Variants in B4GALT4 observed in about 807,000 individuals in gnomAD.
B4GALT4 encodes N-acetyllactosamine synthase.
In B4GALT4, 27 loss-of-function variants were observed where a neutral mutation model predicts 37.3. That is an observed-to-expected ratio of 0.72 (90% confidence interval 0.53 to 1.00). The LOEUF (loss-of-function observed/expected upper bound fraction) is 1.00. Ranked by LOEUF, B4GALT4 falls within the 50% of genes least tolerant of loss-of-function variation. B4GALT4 has a pLI of 0.00. For missense variants in B4GALT4, 372 were observed against 413.1 expected (o/e 0.90, Z 0.86); for synonymous variants, 148 against 154.1 (o/e 0.96, Z 0.29).
chr3:119,224,138 T>C lies in B4GALT4; in HGVS notation c.594A>G (p.Val198=). The part of the protein sequence containing the change: ...DCFIFHDVDL[V]PENDFNLYKC... The stretch of plus-strand genomic sequence containing the variant: ...TGTAAAGGTTAAAGTCATTCTCGGG[T>C]ACCAGGTCCACATCGTGGAATATAA... The change falls in exon 5 of 8, where the codon GTA becomes GTG. Residue 198 remains valine (V), a synonymous_variant. Transcript: ENST00000393765. 3 of 1,614,144 alleles carry C rather than the reference T, an allele frequency of 1.9e-6. No homozygotes were observed. The highest frequency in any genetic ancestry group is 1.7e-6 in the Non-Finnish European group (2 of 1,180,018).
intron 3 of B4GALT4, among the ~76,000 whole-genome samples, chr3:119,227,627 C>T (rs1005088473): frequency 6.6e-6 from 1 of 152,202 alleles, no homozygotes; most frequent in Non-Finnish European, 1.5e-5. Context: ...GCCACCACAA[C>T]AGACGTTTCC....
intron 6 of B4GALT4, 35 bp from the exon 7 acceptor site, chr3:119,216,379 C>A: frequency 2.6e-6 from 4 of 1,559,716 alleles, no homozygotes; most frequent in Non-Finnish European, 2.6e-6. Flanking sequence ...TAAAGTCCAT[C>A]CTATTTATCT....
chr3:119,215,579 A>G (rs530004777), intron 7 of B4GALT4: 1 of 152,360 alleles, frequency 6.6e-6, no homozygotes, highest in South Asian at 2.1e-4. Context: ...CTGTCCCTCT[A>G]GAGAACCCTG....
At position 119,218,729 on chromosome 3, in the gene B4GALT4, T is replaced by C. The variant is rs1215834537; in HGVS notation, c.718A>G (p.Arg240Gly). ...CCATTCACCTTGAAAAACTGCTCTC[T>C]GCTTAGGGCAGTAACACCCCCAAAA... is the stretch of plus-strand genomic sequence containing the variant. ...GYFGGVTALS[R>G]EQFFKVNGFS... The change falls in exon 6 of 8, where the codon AGA becomes GGA. Residue 240 changes from arginine (R) to glycine (G), a missense_variant. By Grantham distance (125) the Arg-to-Gly change is moderately radical. Coordinates refer to ENST00000393765, the MANE Select transcript of B4GALT4 (RefSeq NM_003778.4). 1 of 1,614,076 alleles carries C rather than the reference T, an allele frequency of 6.2e-7. No homozygotes were observed. The highest frequency in any genetic ancestry group is 8.5e-7 in the Non-Finnish European group (1 of 1,179,922).
At chr3:119,224,696 A>C (rs982711820) in intron 4 of B4GALT4, among the ~76,000 whole-genome samples, 1 of 152,252 alleles carries the variant, frequency 6.6e-6, no homozygotes, top group Non-Finnish European at 1.5e-5. Context: ...TTAAGATGGT[A>C]AATTTTACAT....
chr3:119,226,627 A>C (rs1220650873), intron 4 of B4GALT4, 182 bp downstream of exon 4: 2 of 621,726 alleles, frequency 3.2e-6, no homozygotes, highest in Non-Finnish European at 5.5e-6. Context: ...ACTTGAACCC[A>C]TAACTCCACA....
intron 5 of B4GALT4, among the ~76,000 whole-genome samples, chr3:119,219,404 G>A (rs1016142862): frequency 2.0e-5 from 3 of 152,180 alleles, no homozygotes; most frequent in Admixed American, 2.0e-4. Context: ...AAAATAGGCT[G>A]TACAGAACAA....
chr3:119,226,809 CTGG>C lies in B4GALT4; in HGVS notation c.483_485del (p.His161del). ...GGCCCTGGTCTGCCCCCACGCTCAC[CTGG>C]TGGATGACGTAGATGCCATAATCCA... On this transcript the variant is annotated inframe_deletion and splice_region_variant, in exon 4 of 8. Transcript: ENST00000393765. The C allele has an allele frequency of 6.2e-7, 1 of 1,612,964 alleles. No individual in the cohort carries two copies. The highest frequency in any genetic ancestry group is 8.5e-7 in the Non-Finnish European group (1 of 1,179,758).
At chr3:119,213,495 G>A (rs986680098) in intron 7 of B4GALT4, 2 of 152,138 alleles carry the variant, frequency 1.3e-5, no homozygotes, top group Non-Finnish European at 2.9e-5. Flanking sequence ...ACATAAAGTT[G>A]AAAAACATGC....
intron 4 of B4GALT4, among the ~76,000 whole-genome samples, chr3:119,225,775 G>A (rs2107503386): frequency 6.6e-6 from 1 of 152,216 alleles, no homozygotes; most frequent in South Asian, 2.1e-4. Flanking sequence ...TTACTGTCCT[G>A]AGCAAGAACT....
intron 6 of B4GALT4, among the ~76,000 whole-genome samples, chr3:119,217,884 G>GC (rs2078338862): frequency 6.6e-6 from 1 of 150,680 alleles, no homozygotes; most frequent in Non-Finnish European, 1.5e-5. Flanking sequence ...TTTCCAAGAG[G>GC]CAACAAGCAG....
chr3:119,216,966 T>C (rs1231720303), intron 6 of B4GALT4, among the ~76,000 whole-genome samples: 1 of 152,246 alleles, frequency 6.6e-6, no homozygotes, highest in Non-Finnish European at 1.5e-5. Flanking sequence ...ATATGTATTA[T>C]ATAAGTACAA....
At position 119,229,972 on chromosome 3, in the gene B4GALT4, T is replaced by A. The variant is rs748870417; in HGVS notation, c.128A>T (p.Lys43Ile). 1 of 1,614,138 alleles carries A rather than the reference T, an allele frequency of 6.2e-7. No individual in the cohort carries two copies. Among genetic ancestry groups the A allele is most frequent in the Admixed American group, 1.7e-5 (1 of 60,014 alleles). The change falls in exon 3 of 8, where the codon AAA (lysine) becomes ATA (isoleucine). Residue 43 changes from lysine to isoleucine, a missense_variant. Physicochemically the swap from Lys to Ile is moderately radical, Grantham distance 102. Coordinates refer to ENST00000393765, the MANE Select transcript of B4GALT4 (RefSeq NM_003778.4). ...YFVGAIQEIP[K>I]AKEFMANFHK... The stretch of plus-strand genomic sequence containing the variant: ...GAAATTAGCCATGAACTCCTTTGCT[T>A]TAGGAATCTCTTGAATGGCACCCAC...
At position 119,212,085 on chromosome 3, in the gene B4GALT4, T is replaced by A; in HGVS notation, c.*464A>T. ...ACGCCTTCTCACCTGACACCACCAC[T>A]TCACAGATGATTGTACAGGATAAAT... On this transcript the variant is annotated 3_prime_UTR_variant, in exon 8 of 8. Coordinates refer to ENST00000393765, the MANE Select transcript of B4GALT4 (RefSeq NM_003778.4). 1 of 699,454 alleles carries A rather than the reference T, an allele frequency of 1.4e-6. No homozygotes were observed. The highest frequency in any genetic ancestry group is 1.7e-5 in the African/African-American group (1 of 57,290). The allele number at this position is 699,454 out of a possible 1,614,324, so 43.3% of individuals were successfully genotyped here.
At chr3:119,227,413 C>T (rs1204932213) in intron 3 of B4GALT4, among the ~76,000 whole-genome samples, 4 of 152,106 alleles carry the variant, frequency 2.6e-5, no homozygotes, top group Non-Finnish European at 5.9e-5. Context: ...CACCAAATTC[C>T]AGGAGGAGGG....
Position 119,212,134 on chromosome 3 carries a change from A to G in B4GALT4, c.*415T>C. On this transcript the variant is annotated 3_prime_UTR_variant, in exon 8 of 8. Coordinates refer to ENST00000393765, the MANE Select transcript of B4GALT4 (RefSeq NM_003778.4). ...ATGAATAACAGTATTGTATCTTCGT[A>G]CCTTTCTACCTTGGACGAGAACAAC... 1 of 702,976 alleles carries G rather than the reference A, an allele frequency of 1.4e-6. No homozygotes were observed. Among genetic ancestry groups the G allele is most frequent in the East Asian group, 2.7e-5 (1 of 37,288 alleles). 43.5% of individuals were successfully genotyped at this position (702,976 alleles called of 1,614,324 possible). A position where few individuals can be genotyped will look rare whatever the true frequency, so the allele number is the denominator to read the frequency against.
At chr3:119,239,086 C>T (rs996565366) in intron 1 of B4GALT4, among the ~76,000 whole-genome samples, 1 of 152,082 alleles carries the variant, frequency 6.6e-6, no homozygotes, top group African/African-American at 2.4e-5. Context: ...AATCCCAGCA[C>T]TTTGGGAGGC....
chr3:119,223,998 A>C (rs1432214037), intron 5 of B4GALT4, 60 bp downstream of exon 5: 12 of 1,478,700 alleles, frequency 8.1e-6, no homozygotes, highest in East Asian at 2.4e-5. Context: ...TGTTCCACCC[A>C]GTCTTGATCA....
chr3:119,229,665 C>T (rs2078746575), intron 3 of B4GALT4, among the ~76,000 whole-genome samples, 182 bp downstream of exon 3: 1 of 152,124 alleles, frequency 6.6e-6, no homozygotes, highest in Non-Finnish European at 1.5e-5. Context: ...AAGTGGTACA[C>T]TTCTGAGTTT....
Sources: allele counts gnomAD v4.1 joint callset (sites outside exome capture counted in the v4.1 genomes callset), GRCh38; gene constraint gnomAD v4.1.1; transcripts MANE v1.5; gene names NCBI Gene and HGNC (gene_info 2026-07-23, HGNC 2026-07-21).